MTUS1: variants seen among roughly 807,000 people sequenced by gnomAD.
The protein encoded by MTUS1 is microtubule associated scaffold protein 1.
A neutral mutation model predicts 120.8 loss-of-function variants in MTUS1; 109 were observed. The ratio of observed to expected loss-of-function variants is 0.90; its 90% CI spans 0.77 to 1.06. The LOEUF (loss-of-function observed/expected upper bound fraction) is 1.06. MTUS1 is among the 50% of genes least tolerant of loss of function. The probability of loss-of-function intolerance (pLI) is 0.00; values close to 1 mark genes in which losing one functional copy is unlikely to be tolerated. For synonymous variants in MTUS1, 737 were observed against 550.5 expected (o/e 1.34, Z -4.74); for missense variants, 2,210 against 1,486.3 (o/e 1.49, Z -8.01).
intron 3 of MTUS1, among the ~76,000 whole-genome samples, chr8:17,729,611 T>A (rs1481197036): frequency 2.0e-5 from 3 of 152,084 alleles, no homozygotes; most frequent in Non-Finnish European, 4.4e-5. Context: ...AAATAAAAGT[T>A]CTGAACAAGT....
chr8:17,751,908 G>A (rs116462546), intron 2 of MTUS1, among the ~76,000 whole-genome samples: 6,008 of 146,406 alleles, frequency 0.041, 166 homozygotes, highest in African/African-American at 0.082. Flanking sequence ...AGAAAAAAGA[G>A]TCCCTTATGC....
At chr8:17,674,189 G>C (rs1245780778) in intron 8 of MTUS1, among the ~76,000 whole-genome samples, 3 of 152,076 alleles carry the variant, frequency 2.0e-5, no homozygotes, top group African/African-American at 7.2e-5. Context: ...TATAATCCCA[G>C]TACTTTGGGA....
At position 17,646,005 on chromosome 8, in the gene MTUS1, G is replaced by A; in HGVS notation, c.3734C>T (p.Ser1245Phe). 1.9e-6 allele frequency: 3 copies of A among 1,613,660 alleles called. No homozygotes were observed. Among genetic ancestry groups the A allele is most frequent in the South Asian group, 1.1e-5 (1 of 90,992 alleles). Residue 1245 changes from serine (S) to phenylalanine (F), a missense_variant, in exon 15 of 15, where the codon TCC (serine) becomes TTC (phenylalanine). Transcript: ENST00000693296. The part of the protein sequence containing the change: ...HNGDLCSPKR[S>F]PTSSAIPLQS... Reference sequence around the variant, plus strand: ...CAAAGGGATGGCGGAGGATGTGGGGGATCTCTTGGGGCTACACAGGTCCCC... The same window carrying A: ...CAAAGGGATGGCGGAGGATGTGGGGAATCTCTTGGGGCTACACAGGTCCCC...
At chr8:17,695,108 C>A (rs118110442) in intron 6 of MTUS1, among the ~76,000 whole-genome samples, 3 of 152,262 alleles carry the variant, frequency 2.0e-5, no homozygotes, top group African/African-American at 7.2e-5. Context: ...GTCACCATGA[C>A]GGCATGAATT....
At chr8:17,777,425 G>A (rs941064905) in intron 1 of MTUS1, among the ~76,000 whole-genome samples, 38 of 150,588 alleles carry the variant, frequency 2.5e-4, no homozygotes, top group African/African-American at 9.3e-4. Flanking sequence ...GGTGACAGAG[G>A]GAGACACTGT....
At chr8:17,665,928 T>C (rs964592142) in intron 8 of MTUS1, among the ~76,000 whole-genome samples, 6 of 152,074 alleles carry the variant, frequency 3.9e-5, no homozygotes, top group Admixed American at 3.3e-4. Context: ...CCAGCCAGCC[T>C]GTCTTCCATC....
At chr8:17,725,824 T>C (rs1707129195) in intron 3 of MTUS1, among the ~76,000 whole-genome samples, 1 of 152,218 alleles carries the variant, frequency 6.6e-6, no homozygotes, top group African/African-American at 2.4e-5. Context: ...ATATTTTATG[T>C]GTGGCCCAAG....
chr8:17,653,713 T>A (rs1807563364), intron 10 of MTUS1: 1 of 465,848 alleles, frequency 2.1e-6, no homozygotes, highest in Non-Finnish European at 3.7e-6. Flanking sequence ...CTGAGAGCCC[T>A]GAGGCCCACT....
intron 4 of MTUS1, among the ~76,000 whole-genome samples, chr8:17,720,114 G>T (rs541114527): frequency 6.6e-6 from 1 of 152,146 alleles, no homozygotes; most frequent in Non-Finnish European, 1.5e-5. Flanking sequence ...GGAGGCAGAC[G>T]CAGGCATATC....
rs552400259 is a variant in MTUS1 at position 17,787,265 on chromosome 8, G to A, written c.-155+13796C>T. ...CGACATCAGTGCACAGCTCTTCAAA[G>A]TCCACAGTGTTCCCACAGTCATCCT... On this transcript the variant is annotated intron_variant, in intron 1 of 14. Coordinates refer to ENST00000693296, the MANE Select transcript of MTUS1 (RefSeq NM_001363059.2). 2.6e-5 allele frequency among the ~76,000 whole-genome samples: 4 copies of A among 152,266 alleles called. No individual in the cohort carries two copies. The East Asian group carries it at 7.7e-4, about 29-fold the overall frequency.
At chr8:17,801,516 C>T (rs960624606), upstream of MTUS1, 1 of 152,100 alleles carries the variant, frequency 6.6e-6, no homozygotes, top group Non-Finnish European at 1.5e-5. Context: ...GCTCTCGGGT[C>T]CCAATCCCGA....
At chr8:17,748,554 G>A (rs977489921) in intron 2 of MTUS1, among the ~76,000 whole-genome samples, 2 of 152,152 alleles carry the variant, frequency 1.3e-5, no homozygotes, top group Non-Finnish European at 2.9e-5. Flanking sequence ...GTCCATGGAT[G>A]GTGGAGCCAA....
chr8:17,730,353 C>T (rs1442739159), intron 3 of MTUS1, among the ~76,000 whole-genome samples: 4 of 151,896 alleles, frequency 2.6e-5, no homozygotes, highest in Non-Finnish European at 5.9e-5. Context: ...GGCATGGTGG[C>T]GGGCACCTGT....
At position 17,754,937 on chromosome 8, in the gene MTUS1, C is replaced by T. The variant is rs760128861; in HGVS notation, c.871G>A (p.Ala291Thr). ...QRLVGEKETQ[A>T]LTPVSDGMEV... ...ATGCCATCAGAAACTGGTGTTAGTG[C>T]TTGTGTCTCCTTTTCTCCAACTAGT... is the stretch of plus-strand genomic sequence containing the variant. Residue 291 changes from alanine to threonine, a missense_variant, in exon 2 of 15, where the codon GCA becomes ACA. Coordinates refer to ENST00000693296, the MANE Select transcript of MTUS1 (RefSeq NM_001363059.2). 10 of 1,614,050 alleles carry T rather than the reference C, an allele frequency of 6.2e-6. No individual in the cohort carries two copies. The highest frequency in any genetic ancestry group is 8.5e-6 in the Non-Finnish European group (10 of 1,179,948).
chr8:17,788,985 G>C lies in MTUS1; in HGVS notation c.-155+12076C>G, dbSNP rs1281792941. On this transcript the variant is annotated intron_variant, in intron 1 of 14. Coordinates refer to ENST00000693296, the MANE Select transcript of MTUS1 (RefSeq NM_001363059.2). Reference sequence around the variant, plus strand: ...CAAAGGCACTCTCAAAGACTGTACAGTTATGCTAAAGAAATGATTTGATGT... The same window carrying C: ...CAAAGGCACTCTCAAAGACTGTACACTTATGCTAAAGAAATGATTTGATGT... Among the ~76,000 whole-genome samples, 4 of 151,684 alleles carry C rather than the reference G, an allele frequency of 2.6e-5. No individual in the cohort carries two copies. The East Asian group carries it at 7.7e-4, about 29-fold the overall frequency.
intron 1 of MTUS1, chr8:17,770,521 C>T (rs1193885844): frequency 6.6e-6 from 1 of 152,132 alleles, no homozygotes; most frequent in Non-Finnish European, 1.5e-5. Context: ...TTTTTAATGC[C>T]TTTGGTTGCA....
At chr8:17,700,724 A>G (rs1175003504) in intron 6 of MTUS1, among the ~76,000 whole-genome samples, 2 of 152,078 alleles carry the variant, frequency 1.3e-5, no homozygotes, top group African/African-American at 4.8e-5. Context: ...GCCAGAAAAA[A>G]ATTAAAAAGT....
At chr8:17,697,642 G>C (rs1260890677) in intron 6 of MTUS1, 1 of 1,204,976 alleles carries the variant, frequency 8.3e-7, no homozygotes, top group Non-Finnish European at 1.0e-6. Context: ...TGCAGGTCTA[G>C]AAGCTGCCTC....
rs1328083964 is a variant in MTUS1 at position 17,644,773 on chromosome 8, T to C, written c.*1153A>G. ...TCTTTATTCTAAGATTTCCCAAAAT[T>C]TGTAATATCAAATCCAGGCTTTAGT... On this transcript the variant is annotated 3_prime_UTR_variant, in exon 15 of 15. Transcript: ENST00000693296. 2.6e-5 allele frequency: 4 copies of C among 152,194 alleles called. No homozygotes were observed. The highest frequency in any genetic ancestry group is 7.2e-5 in the African/African-American group (3 of 41,448). 9.4% of individuals were successfully genotyped at this position (152,194 alleles called of 1,614,324 possible).
Sources: allele counts gnomAD v4.1 joint callset (sites outside exome capture counted in the v4.1 genomes callset), GRCh38; gene constraint gnomAD v4.1.1; transcripts MANE v1.5; gene names NCBI Gene and HGNC (gene_info 2026-07-23, HGNC 2026-07-21).